Variants in GRM5 observed in about 807,000 individuals in gnomAD.
GRM5 encodes metabotropic glutamate receptor 5.
GRM5 carries 19 observed loss-of-function variants against 83.1 expected under a neutral mutation model. The ratio of observed to expected loss-of-function variants is 0.23; its 90% CI spans 0.16 to 0.34. GRM5 has a LOEUF of 0.34. GRM5 is among the 10% of genes least tolerant of loss of function. The pLI is 1.00. For synonymous variants in GRM5, 675 were observed against 633.6 expected, an observed-to-expected ratio of 1.07 and a Z score of -0.98; for missense variants, 1,160 against 1,588.3, an observed-to-expected ratio of 0.73 and a Z score of 4.58.
At chr11:88,809,095 TC>T (rs1401852377) in intron 3 of GRM5, among the ~76,000 whole-genome samples, 1 of 152,036 alleles carries the variant, frequency 6.6e-6, no homozygotes, top group Admixed American at 6.6e-5. Context: ...CTTTTTTAAT[TC>T]ACAAGTTACT....
chr11:88,962,319 A>G (rs1288654017), intron 2 of GRM5, among the ~76,000 whole-genome samples: 1 of 152,126 alleles, frequency 6.6e-6, no homozygotes, highest in Non-Finnish European at 1.5e-5. Flanking sequence ...ATTTGTTCTT[A>G]TATTCACGTA....
At chr11:88,739,051 T>G (rs186338814) in intron 3 of GRM5, among the ~76,000 whole-genome samples, 1 of 152,112 alleles carries the variant, frequency 6.6e-6, no homozygotes, top group Non-Finnish European at 1.5e-5. Flanking sequence ...TTCCATAAAA[T>G]TAAAATTACG....
At chr11:88,933,428 T>G (rs1179570628) in intron 2 of GRM5, among the ~76,000 whole-genome samples, 1 of 151,832 alleles carries the variant, frequency 6.6e-6, no homozygotes, top group Admixed American at 6.6e-5. Flanking sequence ...TTCAAACTGA[T>G]GTATTGAGAC....
At chr11:88,749,288 C>G (rs866504033) in intron 3 of GRM5, among the ~76,000 whole-genome samples, 1 of 152,158 alleles carries the variant, frequency 6.6e-6, no homozygotes, top group Non-Finnish European at 1.5e-5. Flanking sequence ...GAGAACTTCA[C>G]AACGCACTCA....
intron 3 of GRM5, among the ~76,000 whole-genome samples, chr11:88,707,673 T>C (rs1267033512): frequency 6.6e-6 from 1 of 152,130 alleles, no homozygotes; most frequent in Admixed American, 6.6e-5. Context: ...CCTGGAACCA[T>C]TCCTCTGTAG....
chr11:88,976,036 C>T (rs1164529607), intron 2 of GRM5, among the ~76,000 whole-genome samples: 1 of 152,194 alleles, frequency 6.6e-6, no homozygotes, highest in African/African-American at 2.4e-5. Flanking sequence ...TAGCACATGG[C>T]TGCTTGTGAA....
intron 2 of GRM5, among the ~76,000 whole-genome samples, chr11:88,941,492 G>T (rs1938099870): frequency 9.6e-6 from 1 of 104,068 alleles, no homozygotes; most frequent in Non-Finnish European, 1.9e-5. Context: ...GAGAGGAGGG[G>T]AGAGGAGGGG....
intron 2 of GRM5, among the ~76,000 whole-genome samples, chr11:89,008,268 T>A (rs1478461017): frequency 6.6e-6 from 1 of 152,148 alleles, no homozygotes; most frequent in Non-Finnish European, 1.5e-5. Context: ...CCATTTACTT[T>A]ACTAACCAAA....
chr11:88,869,043 A>G (rs1224709898), intron 2 of GRM5, among the ~76,000 whole-genome samples: 1 of 151,728 alleles, frequency 6.6e-6, no homozygotes, highest in Non-Finnish European at 1.5e-5. Context: ...TACCTTTGAG[A>G]TACCAGAATG....
At chr11:88,680,160 C>T (rs1940442184) in intron 3 of GRM5, among the ~76,000 whole-genome samples, 1 of 152,096 alleles carries the variant, frequency 6.6e-6, no homozygotes, top group Non-Finnish European at 1.5e-5. Flanking sequence ...ATACATGTGC[C>T]ATGTAGGTGT....
At chr11:89,022,668 A>C (rs577210401) in intron 2 of GRM5, among the ~76,000 whole-genome samples, 171 of 152,272 alleles carry the variant, frequency 1.1e-3, no homozygotes, top group Middle Eastern at 3.4e-3. Context: ...ATAGACAGAC[A>C]GACAGAGAGA....
In GRM5 at chr11:88,582,040, C is replaced by T. The variant is rs2020184; in HGVS notation, c.1690+8561G>A. Among the ~76,000 whole-genome samples the T allele has an allele frequency of 7.3e-3, 1,110 of 152,202 alleles. 11 individuals carry two copies. Among genetic ancestry groups the T allele is most frequent in the African/African-American group, 0.026 (1,072 of 41,528 alleles). Reference sequence around the variant, plus strand: ...CCCATCCTAGCACTTTCTTTCCTTCCTTCATTCATTTCTTCATTTCCTCTC... The same window carrying T: ...CCCATCCTAGCACTTTCTTTCCTTCTTTCATTCATTTCTTCATTTCCTCTC... On this transcript the variant is annotated intron_variant, in intron 7 of 9. Coordinates refer to ENST00000305447, the MANE Select transcript of GRM5 (RefSeq NM_001143831.3).
chr11:89,065,094 C>T (rs1196687361), intron 1 of GRM5, among the ~76,000 whole-genome samples: 1 of 151,520 alleles, frequency 6.6e-6, no homozygotes, highest in Non-Finnish European at 1.5e-5. Flanking sequence ...GAAAACCTCT[C>T]CCTCCTAGTA....
At chr11:88,882,165 A>C (rs11021650) in intron 2 of GRM5, among the ~76,000 whole-genome samples, 1 of 151,892 alleles carries the variant, frequency 6.6e-6, no homozygotes, top group African/African-American at 2.4e-5. Context: ...TGAACCCAGG[A>C]GGTGGAGGTT....
chr11:88,612,790 C>G (rs918690916), intron 4 of GRM5: 1 of 152,194 alleles, frequency 6.6e-6, no homozygotes, highest in African/African-American at 2.4e-5. Context: ...CTGTTCATGT[C>G]CTTCGCCCAC....
At chr11:88,719,105 G>A (rs1668969031) in intron 3 of GRM5, among the ~76,000 whole-genome samples, 1 of 151,476 alleles carries the variant, frequency 6.6e-6, no homozygotes, top group Non-Finnish European at 1.5e-5. Context: ...GGGTACAAGT[G>A]CAGGTTTGTT....
chr11:88,893,238 G>C (rs1350205499), intron 2 of GRM5, among the ~76,000 whole-genome samples: 1 of 151,938 alleles, frequency 6.6e-6, no homozygotes, highest in Non-Finnish European at 1.5e-5. Flanking sequence ...TCACACCCTG[G>C]CTATATACAA....
At chr11:88,979,644 T>C (rs1939460473) in intron 2 of GRM5, among the ~76,000 whole-genome samples, 1 of 152,226 alleles carries the variant, frequency 6.6e-6, no homozygotes, top group Non-Finnish European at 1.5e-5. Flanking sequence ...TGCCCAAAGT[T>C]GTCTTTTGCC....
chr11:88,741,841 T>C (rs1476654081), intron 3 of GRM5, among the ~76,000 whole-genome samples: 1 of 151,948 alleles, frequency 6.6e-6, no homozygotes, highest in African/African-American at 2.4e-5. Context: ...GAGGATTTCC[T>C]GGAGGAAATA....
Sources: allele counts gnomAD v4.1 joint callset (sites outside exome capture counted in the v4.1 genomes callset), GRCh38; gene constraint gnomAD v4.1.1; transcripts MANE v1.5; gene names NCBI Gene and HGNC (gene_info 2026-07-23, HGNC 2026-07-21).